RGS20: variants seen among roughly 807,000 people sequenced by gnomAD.
RGS20 encodes the protein gz-selective GTPase-activating protein.
A neutral mutation model predicts 33.6 loss-of-function variants in RGS20; 30 were observed. The observed-to-expected ratio is 0.89, with a 90% CI of 0.67 to 1.21. The LOEUF (loss-of-function observed/expected upper bound fraction) is 1.21. Ranked by LOEUF, RGS20 falls within the 50% of genes most tolerant of loss-of-function variation. The pLI, the probability that RGS20 is intolerant of heterozygous loss-of-function variation, is 0.00. For missense variants in RGS20, 472 were observed against 502.4 expected (o/e 0.94, Z 0.58); for synonymous variants, 208 against 197.9 (o/e 1.05, Z -0.43).
In RGS20 at chr8:53,958,564, C is replaced by T. The variant is rs1226850067; in HGVS notation, c.*106C>T. 5 of 516,486 alleles carry T rather than the reference C, an allele frequency of 9.7e-6. No individual in the cohort carries two copies. The highest frequency in any genetic ancestry group is 1.5e-5 in the Non-Finnish European group (5 of 328,808). The allele number at this position is 516,486 out of a possible 1,614,324, so 32.0% of individuals were successfully genotyped here. A position where few individuals can be genotyped will look rare whatever the true frequency, so the allele number is the denominator to read the frequency against. On this transcript the variant is annotated 3_prime_UTR_variant, in exon 6 of 6. Coordinates refer to ENST00000297313, the MANE Select transcript of RGS20 (RefSeq NM_170587.4). ...TAGCATCTTCTGCTGGAGTAATACT[C>T]AGGCTATTCTAATAACAGATGATTC...
At chr8:53,881,005 C>T (rs749154033) in intron 2 of RGS20, 2 of 1,595,006 alleles carry the variant, frequency 1.3e-6, no homozygotes, top group Non-Finnish European at 8.5e-7. Flanking sequence ...GAGAAGGCAC[C>T]CGCGGGACGC....
At chr8:53,946,899 G>A in intron 4 of RGS20, 151 bp downstream of exon 3, 1 of 564,394 alleles carries the variant, frequency 1.8e-6, no homozygotes, top group South Asian at 3.0e-5. Flanking sequence ...TTCCTCCCCT[G>A]CAGAATTCCA....
At chr8:53,859,574 T>C (rs1430975566) in intron 1 of RGS20, among the ~76,000 whole-genome samples, 1 of 152,216 alleles carries the variant, frequency 6.6e-6, no homozygotes, top group African/African-American at 2.4e-5. Flanking sequence ...AAATTTACAT[T>C]AAAGTTTTAC....
At chr8:53,956,808 A>AT (rs901879943) in intron 5 of RGS20, among the ~76,000 whole-genome samples, 4 of 151,856 alleles carry the variant, frequency 2.6e-5, no homozygotes, top group Admixed American at 2.6e-4. Flanking sequence ...TTTTGTCATG[A>AT]TTTTTTTTAA....
intron 1 of RGS20, among the ~76,000 whole-genome samples, chr8:53,876,803 G>C (rs888359819): frequency 1.3e-5 from 2 of 152,236 alleles, no homozygotes; most frequent in African/African-American, 4.8e-5. Context: ...GGCAAGCGGT[G>C]ACTGTCTCCA....
intron 2 of RGS20, among the ~76,000 whole-genome samples, chr8:53,922,094 C>A (rs1813664882): frequency 6.6e-6 from 1 of 151,978 alleles, no homozygotes; most frequent in African/African-American, 2.4e-5. Context: ...TTATTGAAAG[C>A]AAGGTATTGA....
chr8:53,860,315 A>G (rs1811781189), intron 1 of RGS20, among the ~76,000 whole-genome samples: 1 of 152,234 alleles, frequency 6.6e-6, no homozygotes, highest in Admixed American at 6.5e-5. Context: ...TTCCCATAAG[A>G]CTATATTTGG....
chr8:53,924,952 CT>C (rs1177259854), intron 2 of RGS20, among the ~76,000 whole-genome samples: 2 of 152,132 alleles, frequency 1.3e-5, no homozygotes, highest in African/African-American at 2.4e-5. Context: ...AGAGGAGATT[CT>C]TCTCAACTTT....
At chr8:53,895,220 G>A (rs1459604789) in intron 2 of RGS20, among the ~76,000 whole-genome samples, 1 of 152,154 alleles carries the variant, frequency 6.6e-6, no homozygotes, top group Non-Finnish European at 1.5e-5. Flanking sequence ...AACATGTGTG[G>A]CCATGGAGAA....
intron 2 of RGS20, among the ~76,000 whole-genome samples, chr8:53,910,572 G>T (rs1368510813): frequency 6.6e-6 from 1 of 152,192 alleles, no homozygotes; most frequent in Non-Finnish European, 1.5e-5. Context: ...CACTTACTAT[G>T]TGACCCAGTG....
At chr8:53,864,794 T>TA (rs1324483999) in intron 1 of RGS20, among the ~76,000 whole-genome samples, 13 of 152,326 alleles carry the variant, frequency 8.5e-5, no homozygotes, top group African/African-American at 2.9e-4. Flanking sequence ...CTGAAATTGT[T>TA]AAAATCTTTC....
chr8:53,894,276 G>T (rs766050720), intron 2 of RGS20, among the ~76,000 whole-genome samples: 8 of 152,104 alleles, frequency 5.3e-5, no homozygotes, highest in Admixed American at 6.6e-5. Context: ...TTCAATTTTA[G>T]ATCTGTTTGT....
intron 3 of RGS20, among the ~76,000 whole-genome samples, chr8:53,941,861 A>C (rs926131570): frequency 6.6e-6 from 1 of 152,224 alleles, no homozygotes; most frequent in Admixed American, 6.5e-5. Flanking sequence ...CCCATAGCCC[A>C]GAAAACCTGA....
chr8:53,955,275 T>A (rs896353435), intron 5 of RGS20, among the ~76,000 whole-genome samples: 5 of 151,772 alleles, frequency 3.3e-5, no homozygotes, highest in African/African-American at 4.8e-5. Context: ...GGAAAAAGTA[T>A]CCCCTGGAGT....
chr8:53,867,127 C>T (rs186607994), intron 1 of RGS20, among the ~76,000 whole-genome samples: 52 of 152,272 alleles, frequency 3.4e-4, no homozygotes, highest in African/African-American at 1.2e-3. Flanking sequence ...CTTCCTCCAT[C>T]GCTCTGTGCT....
At chr8:53,889,384 TTTTC>T (rs1430372261) in intron 2 of RGS20, among the ~76,000 whole-genome samples, 14 of 145,280 alleles carry the variant, frequency 9.6e-5, no homozygotes, top group East Asian at 2.0e-4. Flanking sequence ...CCATTTTTCT[TTTTC>T]TTTCTTTCTT....
intron 2 of RGS20, chr8:53,887,188 T>A (rs1812574377): frequency 6.3e-6 from 1 of 158,730 alleles, no homozygotes; most frequent in African/African-American, 2.4e-5. Flanking sequence ...CCACTTCACC[T>A]TCTTTCTCTT....
intron 1 of RGS20, among the ~76,000 whole-genome samples, chr8:53,854,609 G>C (rs901516043): frequency 6.6e-6 from 1 of 151,402 alleles, no homozygotes; most frequent in Non-Finnish European, 1.5e-5. Flanking sequence ...GGCTAAAATT[G>C]TGACAACACC....
chr8:53,940,773 G>A (rs1193725755), intron 3 of RGS20, among the ~76,000 whole-genome samples: 3 of 152,242 alleles, frequency 2.0e-5, no homozygotes, highest in Non-Finnish European at 2.9e-5. Context: ...ACAAGAGCTA[G>A]GCAGTGTCAA....
Sources: allele counts gnomAD v4.1 joint callset (sites outside exome capture counted in the v4.1 genomes callset), GRCh38; gene constraint gnomAD v4.1.1; transcripts MANE v1.5; gene names NCBI Gene and HGNC (gene_info 2026-07-23, HGNC 2026-07-21).